CDH13: variants seen among roughly 807,000 people sequenced by gnomAD.
CDH13 encodes cadherin 13.
In CDH13, 24 loss-of-function variants were observed where a neutral mutation model predicts 63.8. The ratio of observed to expected loss-of-function variants is 0.38; its 90% CI spans 0.27 to 0.53. The LOEUF is 0.53. Ranked by LOEUF, CDH13 falls within the 20% of genes least tolerant of loss-of-function variation. CDH13 has a pLI of 0.85. For missense variants in CDH13, 1,049 were observed against 903.1 expected (o/e 1.16, Z -2.07); for synonymous variants, 503 against 355.3 (o/e 1.42, Z -4.67).
intron 5 of CDH13, among the ~76,000 whole-genome samples, chr16:83,247,664 A>G (rs921546330): frequency 3.9e-5 from 6 of 152,222 alleles, no homozygotes; most frequent in African/African-American, 1.4e-4. Flanking sequence ...GTTATTATCT[A>G]CATCATTTTT....
At position 83,795,041 on chromosome 16, in the gene CDH13, C is replaced by T. The variant is rs373284211; in HGVS notation, c.*11C>T. 643 of 1,587,884 alleles carry T rather than the reference C, an allele frequency of 4.0e-4. 3 individuals are homozygous for T. In the South Asian group the frequency reaches 4.7e-3, roughly 12 times the overall value. On this transcript the variant is annotated 3_prime_UTR_variant, in exon 14 of 14. Coordinates refer to ENST00000567109, the MANE Select transcript of CDH13 (RefSeq NM_001257.5). ...TATTCAGGTCTGTGAGAACTCCTGA[C>T]GTCTGAAGCTTGACTCCCAAGTTTC...
chr16:82,920,136 C>A (rs890592254), intron 2 of CDH13, among the ~76,000 whole-genome samples: 4 of 152,296 alleles, frequency 2.6e-5, no homozygotes, highest in African/African-American at 9.6e-5. Flanking sequence ...ATAGGGCTGG[C>A]TTCAGGCCTG....
intron 2 of CDH13, among the ~76,000 whole-genome samples, chr16:82,910,262 A>G (rs564914453): frequency 1.3e-5 from 2 of 152,240 alleles, no homozygotes; most frequent in Admixed American, 6.5e-5. Flanking sequence ...TCACTACATA[A>G]TCCAGCCTAT....
intron 6 of CDH13, among the ~76,000 whole-genome samples, chr16:83,475,408 G>A (rs149208202): frequency 6.6e-6 from 1 of 152,200 alleles, no homozygotes; most frequent in African/African-American, 2.4e-5. Flanking sequence ...TAAGATGCAA[G>A]GGTCTGGATC....
intron 10 of CDH13, among the ~76,000 whole-genome samples, chr16:83,703,294 C>T (rs1031792324): frequency 6.6e-6 from 1 of 152,098 alleles, no homozygotes; most frequent in African/African-American, 2.4e-5. Context: ...GAAATGGTGT[C>T]AAAAATGTAT....
chr16:83,300,644 A>G (rs547269441), intron 5 of CDH13, among the ~76,000 whole-genome samples: 1 of 152,328 alleles, frequency 6.6e-6, no homozygotes, highest in Admixed American at 6.5e-5. Flanking sequence ...CCCTCCCAGA[A>G]CCTAGTATCT....
intron 3 of CDH13, among the ~76,000 whole-genome samples, chr16:83,061,433 C>T (rs1048009362): frequency 1.3e-5 from 2 of 152,152 alleles, no homozygotes; most frequent in African/African-American, 4.8e-5. Context: ...TGACCTTCTC[C>T]CTGTGCCAAC....
At chr16:82,898,417 C>T (rs1241791712) in intron 2 of CDH13, among the ~76,000 whole-genome samples, 1 of 152,186 alleles carries the variant, frequency 6.6e-6, no homozygotes, top group Non-Finnish European at 1.5e-5. Context: ...TCCGGCTACT[C>T]AGGAGGTGGA....
At position 83,224,416 on chromosome 16, in the gene CDH13, C is replaced by T. The variant is rs137917025; in HGVS notation, c.636+6919C>T. Among the ~76,000 whole-genome samples the T allele has an allele frequency of 4.5e-3, 689 of 152,334 alleles. 9 individuals are homozygous for T. Among genetic ancestry groups the T allele is most frequent in the African/African-American group, 0.015 (637 of 41,570 alleles). Reference sequence around the variant, plus strand: ...AGTTTTGTTCCAAGTGAGAGCCTGTCAGTGAGAAGCTTAGTTGCCCAAAGG... The same window carrying T: ...AGTTTTGTTCCAAGTGAGAGCCTGTTAGTGAGAAGCTTAGTTGCCCAAAGG... On this transcript the variant is annotated intron_variant, in intron 5 of 13. Transcript: ENST00000567109.
At chr16:83,723,871 A>AATGG (rs56156646) in intron 10 of CDH13, among the ~76,000 whole-genome samples, 12,487 of 152,122 alleles carry the variant, frequency 0.082, 510 homozygotes, top group Admixed American at 0.13. Flanking sequence ...TCCATGGAAG[A>AATGG]ATGGATGGAT....
intron 10 of CDH13, among the ~76,000 whole-genome samples, chr16:83,715,633 C>A (rs896893717): frequency 6.6e-6 from 1 of 152,168 alleles, no homozygotes; most frequent in Non-Finnish European, 1.5e-5. Context: ...AAAACAGTGT[C>A]TTTGAGGGCT....
chr16:82,928,462 C>A (rs993387518), intron 2 of CDH13, among the ~76,000 whole-genome samples: 4 of 152,128 alleles, frequency 2.6e-5, no homozygotes, highest in Admixed American at 6.5e-5. Context: ...ATATTGCCAC[C>A]AGGAGCATTT....
intron 1 of CDH13, among the ~76,000 whole-genome samples, chr16:82,696,734 G>A (rs1450271239): frequency 2.0e-5 from 3 of 152,118 alleles, no homozygotes; most frequent in Non-Finnish European, 4.4e-5. Context: ...ATCTATTGTT[G>A]CATTAGAAAT....
intron 6 of CDH13, among the ~76,000 whole-genome samples, chr16:83,428,076 G>T (rs2071968806): frequency 6.6e-6 from 1 of 152,204 alleles, no homozygotes; most frequent in African/African-American, 2.4e-5. Context: ...CACAGAGAGG[G>T]TCATTTATGT....
chr16:83,722,194 G>C (rs1909787127), intron 10 of CDH13, among the ~76,000 whole-genome samples: 2 of 152,006 alleles, frequency 1.3e-5, no homozygotes, highest in African/African-American at 4.8e-5. Flanking sequence ...GTGAACCGAT[G>C]CTGGCTACAC....
At chr16:83,605,452 G>A (rs1397673096) in intron 8 of CDH13, among the ~76,000 whole-genome samples, 1 of 152,178 alleles carries the variant, frequency 6.6e-6, no homozygotes, top group East Asian at 1.9e-4. Flanking sequence ...CGCTGGAGCC[G>A]GAATTGGGTT....
chr16:83,277,205 A>G (rs1471087223), intron 5 of CDH13, among the ~76,000 whole-genome samples: 1 of 152,196 alleles, frequency 6.6e-6, no homozygotes, highest in Non-Finnish European at 1.5e-5. Flanking sequence ...AGGATAATCA[A>G]TGAGAGGTTT....
chr16:83,800,091 G>C lies in CDH13; in HGVS notation c.*5061G>C, dbSNP rs560456726. ...GGGTTGCTGAGCTTGATACGCCTTT[G>C]AACCATTTTATTTGACTTTCCACGT... is the stretch of plus-strand genomic sequence containing the variant. On this transcript the variant is annotated 3_prime_UTR_variant, in exon 14 of 14. Coordinates refer to ENST00000567109, the MANE Select transcript of CDH13 (RefSeq NM_001257.5). 2 of 152,286 alleles carry C rather than the reference G, an allele frequency of 1.3e-5. No homozygotes were observed. Among genetic ancestry groups the C allele is most frequent in the African/African-American group, 4.8e-5 (2 of 41,562 alleles). 9.4% of individuals were successfully genotyped at this position (152,286 alleles called of 1,614,324 possible). A position where few individuals can be genotyped will look rare whatever the true frequency, so the allele number is the denominator to read the frequency against.
intron 2 of CDH13, among the ~76,000 whole-genome samples, chr16:82,951,024 T>A (rs1905238373): frequency 6.6e-6 from 1 of 152,210 alleles, no homozygotes; most frequent in South Asian, 2.1e-4. Flanking sequence ...GAATTTCACA[T>A]CTTCGAGAAG....
Sources: allele counts gnomAD v4.1 joint callset (sites outside exome capture counted in the v4.1 genomes callset), GRCh38; gene constraint gnomAD v4.1.1; transcripts MANE v1.5; gene names NCBI Gene and HGNC (gene_info 2026-07-23, HGNC 2026-07-21).